SMYD3: variants seen among roughly 807,000 people sequenced by gnomAD.
SMYD3 encodes the protein SET and MYND domain containing 3, also known as histone-lysine N-methyltransferase SMYD3.
In SMYD3, 36 loss-of-function variants were observed where a neutral mutation model predicts 57.7. The ratio of observed to expected loss-of-function variants is 0.62; its 90% CI spans 0.48 to 0.82. The LOEUF is 0.82. Among genes scored for constraint, SMYD3 ranks in the 40% least tolerant of loss-of-function variants. The pLI, the probability that SMYD3 is intolerant of heterozygous loss-of-function variation, is 0.00. For synonymous variants in SMYD3, 211 were observed against 195.0 expected (o/e 1.08, Z -0.68); for missense variants, 515 against 538.8 (o/e 0.96, Z 0.44).
At chr1:245,755,837 TCTA>T (rs1339996565) in intron 11 of SMYD3, among the ~76,000 whole-genome samples, 2 of 152,040 alleles carry the variant, frequency 1.3e-5, no homozygotes, top group Non-Finnish European at 2.9e-5. Context: ...AAAAATCTGT[TCTA>T]CTAATCTCTG....
At chr1:245,994,342 C>CA (rs2058879502) in intron 5 of SMYD3, among the ~76,000 whole-genome samples, 1 of 152,098 alleles carries the variant, frequency 6.6e-6, no homozygotes, top group African/African-American at 2.4e-5. Context: ...GAGATTGGCC[C>CA]GACAAAATGA....
At chr1:246,444,185 T>C (rs1398702432) in intron 1 of SMYD3, among the ~76,000 whole-genome samples, 2 of 149,226 alleles carry the variant, frequency 1.3e-5, no homozygotes, top group East Asian at 2.0e-4. Flanking sequence ...AGAGTGCAGG[T>C]GCTTGATCTC....
At chr1:246,221,996 G>T (rs1159384955) in intron 5 of SMYD3, among the ~76,000 whole-genome samples, 2 of 152,144 alleles carry the variant, frequency 1.3e-5, no homozygotes, top group Admixed American at 6.5e-5. Context: ...GGTTGAATCT[G>T]CTATTTTGAC....
At chr1:246,441,778 AT>A (rs1173298115) in intron 1 of SMYD3, among the ~76,000 whole-genome samples, 2 of 152,072 alleles carry the variant, frequency 1.3e-5, no homozygotes, top group Non-Finnish European at 2.9e-5. Flanking sequence ...TGTCCAGCTA[AT>A]TTTTATGTTT....
intron 5 of SMYD3, among the ~76,000 whole-genome samples, chr1:246,098,512 TTTAA>T (rs2060953834): frequency 6.6e-6 from 1 of 152,252 alleles, no homozygotes; most frequent in Non-Finnish European, 1.5e-5. Flanking sequence ...GGAGCTATTA[TTTAA>T]TTTTTAAAAA....
At chr1:245,959,740 GT>G (rs1167830577) in intron 5 of SMYD3, among the ~76,000 whole-genome samples, 4 of 152,174 alleles carry the variant, frequency 2.6e-5, no homozygotes, top group Admixed American at 2.6e-4. Flanking sequence ...AACAAAATGA[GT>G]AAAATCTCTG....
At chr1:246,316,252 T>C (rs952361780) in intron 5 of SMYD3, among the ~76,000 whole-genome samples, 2 of 152,084 alleles carry the variant, frequency 1.3e-5, no homozygotes, top group Non-Finnish European at 2.9e-5. Context: ...AAAAGCATGA[T>C]AGCACATGTC....
At chr1:246,093,760 A>AT (rs568030965) in intron 5 of SMYD3, among the ~76,000 whole-genome samples, 6 of 151,630 alleles carry the variant, frequency 4.0e-5, no homozygotes, top group Non-Finnish European at 7.4e-5. Context: ...TTTTCAGTTT[A>AT]TTTTTTTTTA....
At chr1:245,825,543 T>C (rs1170611946) in intron 10 of SMYD3, among the ~76,000 whole-genome samples, 1 of 152,174 alleles carries the variant, frequency 6.6e-6, no homozygotes, top group Non-Finnish European at 1.5e-5. Flanking sequence ...AGGGGCTCAC[T>C]AGGCGGGCCG....
intron 2 of SMYD3, among the ~76,000 whole-genome samples, chr1:246,350,654 GT>G (rs1310574214): frequency 2.4e-5 from 1 of 41,630 alleles, no homozygotes; most frequent in Admixed American, 3.1e-4. Flanking sequence ...GGAAGATAAT[GT>G]ACTCAGATTT....
At chr1:246,479,223 C>T (rs1452551653) in intron 1 of SMYD3, among the ~76,000 whole-genome samples, 1 of 152,214 alleles carries the variant, frequency 6.6e-6, no homozygotes, top group Non-Finnish European at 1.5e-5. Context: ...TGTCCTGGAG[C>T]TGGTACAAGA....
chr1:246,484,701 GCAC>G (rs2068158951), intron 1 of SMYD3, among the ~76,000 whole-genome samples: 2 of 22,800 alleles, frequency 8.8e-5, no homozygotes, highest in African/African-American at 1.6e-4. Flanking sequence ...CTAAACCATT[GCAC>G]TAGTTACACC....
intron 5 of SMYD3, among the ~76,000 whole-genome samples, chr1:246,032,451 G>C (rs1395513539): frequency 6.6e-6 from 1 of 152,206 alleles, no homozygotes; most frequent in Non-Finnish European, 1.5e-5. Context: ...TGAGCTGCCT[G>C]CCCTAGCACT....
intron 1 of SMYD3, among the ~76,000 whole-genome samples, chr1:246,506,052 AG>A (rs1160014459): frequency 1.3e-5 from 2 of 152,252 alleles, no homozygotes; most frequent in Non-Finnish European, 2.9e-5. Flanking sequence ...GAACAAAGTA[AG>A]AACAATGGTC....
In SMYD3 at chr1:245,835,122, C is replaced by CTTTTTTTT. The variant is rs11449373; in HGVS notation, c.1076+23366_1076+23373dup. ...AATCCTAGTTCCTGGGGCAGGTTTC[C>CTTTTTTTT]TTTTTTTTTTTTTTTTGAGAGGGAG... On this transcript the variant is annotated intron_variant, in intron 10 of 11. Coordinates refer to ENST00000490107, the MANE Select transcript of SMYD3 (RefSeq NM_001167740.2). 3.7e-5 allele frequency among the ~76,000 whole-genome samples: 5 copies of CTTTTTTTT among 134,062 alleles called. 2 individuals carry two copies. The highest frequency in any genetic ancestry group is 3.1e-5 in the Non-Finnish European group (2 of 64,280). The allele number at this position is 134,062 out of a possible 152,430, so 87.9% of individuals were successfully genotyped here.
chr1:245,750,469 C>T (rs1016382443), intron 11 of SMYD3, among the ~76,000 whole-genome samples: 8 of 152,310 alleles, frequency 5.3e-5, no homozygotes, highest in Admixed American at 3.3e-4. Context: ...AACCTTCAGA[C>T]GATTCCAGCA....
chr1:246,356,399 C>G (rs2065910983), intron 1 of SMYD3, among the ~76,000 whole-genome samples: 1 of 152,132 alleles, frequency 6.6e-6, no homozygotes, highest in Admixed American at 6.5e-5. Flanking sequence ...TAACACCCCC[C>G]AAAAGATCAC....
At chr1:245,812,260 A>T (rs1366519488) in intron 10 of SMYD3, among the ~76,000 whole-genome samples, 2 of 152,166 alleles carry the variant, frequency 1.3e-5, no homozygotes, top group Non-Finnish European at 2.9e-5. Flanking sequence ...AAATCCTCTG[A>T]GTGTATGAAC....
chr1:246,507,092 C>T lies in SMYD3; in HGVS notation c.126G>A (p.Lys42=), dbSNP rs951420728. 2.0e-6 allele frequency: 3 copies of T among 1,527,424 alleles called. No homozygotes were observed. The highest frequency in any genetic ancestry group is 2.9e-5 in the African/African-American group (2 of 69,844). The allele number at this position is 1,527,424 out of a possible 1,614,324, so 94.6% of individuals were successfully genotyped here. A position where few individuals can be genotyped will look rare whatever the true frequency, so the allele number is the denominator to read the frequency against. The part of the protein sequence containing the change: ...RSDPLAYTVC[K]GSRGVVCDRC... The stretch of plus-strand genomic sequence containing the variant: ...GGTCGCAGACGACGCCACGACTCCC[C>T]TTGCACACCGTGTACGCCAAGGGAT... Residue 42 remains lysine, a synonymous_variant, in exon 1 of 12, where the codon AAG becomes AAA. Transcript: ENST00000490107.
Sources: allele counts gnomAD v4.1 joint callset (sites outside exome capture counted in the v4.1 genomes callset), GRCh38; gene constraint gnomAD v4.1.1; transcripts MANE v1.5; gene names NCBI Gene and HGNC (gene_info 2026-07-23, HGNC 2026-07-21).